The following CHDH variants were observed in gnomAD, a reference collection of about 807,000 sequenced individuals.
CHDH encodes choline dehydrogenase.
Under a neutral mutation model 56.9 loss-of-function variants are expected in CHDH, and 43 were observed. That is an observed-to-expected ratio of 0.76 (90% confidence interval 0.59 to 0.97). The LOEUF (loss-of-function observed/expected upper bound fraction) is 0.97, where lower values mean the gene tolerates loss of function less well. Ranked by LOEUF, CHDH falls within the 50% of genes least tolerant of loss-of-function variation. CHDH has a pLI of 0.00. For missense variants in CHDH, 816 were observed against 821.1 expected, an observed-to-expected ratio of 0.99 and a Z score of 0.08; for synonymous variants, 364 against 348.5, an observed-to-expected ratio of 1.04 and a Z score of -0.50.
rs2095633240 is a variant in CHDH at position 53,823,738 on chromosome 3, G to A, written c.271C>T (p.Pro91Ser). Residue 91 changes from proline to serine, a missense_variant, in exon 3 of 9, where the codon CCC becomes TCC. Physicochemically the swap from Pro to Ser is moderately conservative, Grantham distance 74. Transcript: ENST00000315251. Reference protein sequence around the residue: ...SKRLSWKIHMPAALVANLCDD... With the variant: ...SKRLSWKIHMSAALVANLCDD... ...CACAGGTTGGCCACCAGGGCCGCGG[G>A]CATGTGGATCTTCCACGAGAGCCGC... The A allele has an allele frequency of 6.4e-7, 1 of 1,555,036 alleles. No homozygotes were observed. The highest frequency in any genetic ancestry group is 8.7e-7 in the Non-Finnish European group (1 of 1,150,530).
At chr3:53,830,338 T>G (rs1698295290) in intron 2 of CHDH, among the ~76,000 whole-genome samples, 1 of 151,716 alleles carries the variant, frequency 6.6e-6, no homozygotes, top group Admixed American at 6.6e-5. Flanking sequence ...TCAACATGGA[T>G]GAATCCTAAA....
In CHDH at chr3:53,832,519, G is replaced by A. The variant is rs183527555; in HGVS notation, c.-60+8410C>T. 1.5e-4 allele frequency among the ~76,000 whole-genome samples: 23 copies of A among 151,888 alleles called. No homozygotes were observed. In the East Asian group the frequency reaches 1.5e-3, roughly 10 times the overall value. On this transcript the variant is annotated intron_variant, in intron 2 of 8. Coordinates refer to ENST00000315251, the MANE Select transcript of CHDH (RefSeq NM_018397.5). The stretch of plus-strand genomic sequence containing the variant: ...TGCACTCCAGCCTGGGCGACAGAGC[G>A]AGACTCCATCTCAAAAAAATAATAA...
chr3:53,817,867 C>T lies in CHDH; in HGVS notation c.1695G>A (p.Glu565=). The change falls in exon 9 of 9, where the codon GAG becomes GAA. Residue 565 remains glutamate (E), a synonymous_variant. Transcript: ENST00000315251. ...GCCCCTTGATAATGTCAGCTGCCTT[C>T]TCTGCGATCATGATTGTGGGGGCGT... ...NLNAPTIMIA[E]KAADIIKGQP... The T allele has an allele frequency of 6.2e-7, 1 of 1,614,218 alleles. No homozygotes were observed. The highest frequency in any genetic ancestry group is 8.5e-7 in the Non-Finnish European group (1 of 1,180,042).
chr3:53,825,695 G>A (rs1260628957), intron 2 of CHDH, among the ~76,000 whole-genome samples: 3 of 152,100 alleles, frequency 2.0e-5, no homozygotes, highest in South Asian at 2.1e-4. Context: ...TTTCCCAAAC[G>A]TAGTGCAAGA....
At chr3:53,823,239 G>T in intron 3 of CHDH, 67 bp downstream of exon 3, 3 of 1,384,816 alleles carry the variant, frequency 2.2e-6, no homozygotes, top group Non-Finnish European at 2.8e-6. Flanking sequence ...CTGGAGCCAC[G>T]GGCCAAGATG....
chr3:53,837,613 C>G (rs1273392927), intron 2 of CHDH, among the ~76,000 whole-genome samples: 3 of 152,208 alleles, frequency 2.0e-5, no homozygotes, highest in Admixed American at 6.5e-5. Context: ...TCCTGCCTCC[C>G]CTCTGCTGCC....
intron 2 of CHDH, among the ~76,000 whole-genome samples, chr3:53,837,127 A>AAGGC (rs1451172969): frequency 1.3e-5 from 2 of 152,094 alleles, no homozygotes; most frequent in Admixed American, 6.5e-5. Context: ...CCAGGAGTTC[A>AAGGC]AGGCTGCAGT....
Position 53,846,373 on chromosome 3 carries a change from C to T in CHDH, c.-421G>A, listed in dbSNP as rs1327483143. Reference sequence around the variant, plus strand: ...GCGCGCGCCGCGGCGGCCCGTGCTCCGCCAGCGCTCGGACACGGCCCATCC... The same window carrying T: ...GCGCGCGCCGCGGCGGCCCGTGCTCTGCCAGCGCTCGGACACGGCCCATCC... On this transcript the variant is annotated 5_prime_UTR_variant, in exon 1 of 9. Coordinates refer to ENST00000315251, the MANE Select transcript of CHDH (RefSeq NM_018397.5). 1 of 478,120 alleles carries T rather than the reference C, an allele frequency of 2.1e-6. No individual in the cohort carries two copies. Among genetic ancestry groups the T allele is most frequent in the Non-Finnish European group, 3.6e-6 (1 of 278,490 alleles). 29.6% of individuals were successfully genotyped at this position (478,120 alleles called of 1,614,324 possible).
chr3:53,818,024 G>A lies in CHDH; in HGVS notation c.1538C>T (p.Ser513Leu), dbSNP rs750179776. 16 of 1,614,106 alleles carry A rather than the reference G, an allele frequency of 9.9e-6. No individual in the cohort carries two copies. Among genetic ancestry groups the A allele is most frequent in the East Asian group, 2.2e-5 (1 of 44,902 alleles). The change falls in exon 9 of 9, where the codon TCG (serine) becomes TTG (leucine). Residue 513 changes from serine to leucine, a missense_variant. Physicochemically the swap from Ser to Leu is moderately radical, Grantham distance 145. Transcript: ENST00000315251. ...GGGCTGGCCCATCTTACAGGTGCAC[G>A]AGGGGTGGTAGGCGCTGTCGGCTTT... ...RAKADSAYHP[S>L]CTCKMGQPSD...
In CHDH at chr3:53,823,859, C is replaced by A; in HGVS notation, c.150G>T (p.Ser50=). The change falls in exon 3 of 9, where the codon TCG becomes TCT. Residue 50 remains serine, a synonymous_variant. Transcript: ENST00000315251. ...EYSYVVVGAG[S]AGCVLAGRLT... Reference sequence around the variant, plus strand: ...GCCTCCCAGCCAGCACGCAGCCCGCCGAGCCCGCGCCCACCACCACATAGC... The same window carrying A: ...GCCTCCCAGCCAGCACGCAGCCCGCAGAGCCCGCGCCCACCACCACATAGC... 1 of 1,590,802 alleles carries A rather than the reference C, an allele frequency of 6.3e-7. No individual in the cohort carries two copies. The highest frequency in any genetic ancestry group is 2.3e-5 in the East Asian group (1 of 44,016).
intron 5 of CHDH, 85 bp downstream of exon 5, chr3:53,821,562 C>T (rs1482005598): frequency 1.6e-6 from 2 of 1,226,472 alleles, no homozygotes; most frequent in Non-Finnish European, 2.3e-6. Context: ...CCACCACCTC[C>T]CCACTTCATG....
Position 53,816,131 on chromosome 3 carries a change from A to ACCCCCCCCCCC in CHDH, c.*1645_*1646insGGGGGGGGGGG, listed in dbSNP as rs202031062. 4 of 87,002 alleles carry ACCCCCCCCCCC rather than the reference A, an allele frequency of 4.6e-5. No homozygotes were observed. The highest frequency in any genetic ancestry group is 1.4e-4 in the African/African-American group (2 of 14,312). 5.4% of individuals were successfully genotyped at this position (87,002 alleles called of 1,614,324 possible). A position where few individuals can be genotyped will look rare whatever the true frequency, so the allele number is the denominator to read the frequency against. On this transcript the variant is annotated 3_prime_UTR_variant, in exon 9 of 9. Coordinates refer to ENST00000315251, the MANE Select transcript of CHDH (RefSeq NM_018397.5). Reference sequence around the variant, plus strand: ...CAGAAAACTAACTTGTGGCTGTCGGACGCCCCCCCCCCCCGCCCCAGTCTG... The same window carrying ACCCCCCCCCCC: ...CAGAAAACTAACTTGTGGCTGTCGGACCCCCCCCCCCCGCCCCCCCCCCCCGCCCCAGTCTG...
In CHDH at chr3:53,822,456, C is replaced by T. The variant is rs748934238; in HGVS notation, c.855+35G>A. ...TGGACCACCAGGGTCACTGCCCACC[C>T]CCTTCTTCCAGGACCCCAGCTGCAG... On this transcript the variant is annotated intron_variant, in intron 4 of 8. Coordinates refer to ENST00000315251, the MANE Select transcript of CHDH (RefSeq NM_018397.5). 4 of 1,582,666 alleles carry T rather than the reference C, an allele frequency of 2.5e-6. No homozygotes were observed. In the South Asian group the frequency reaches 3.4e-5, roughly 14 times the overall value.
Position 53,846,249 on chromosome 3 carries a change from G to A in CHDH, c.-297C>T. ...CAGTTCCGACCCGGTCGGCCCCGGA[G>A]CCGCGAGGCTAGCTGGGCTCCAGCG... On this transcript the variant is annotated 5_prime_UTR_variant, in exon 1 of 9. Transcript: ENST00000315251. The A allele has an allele frequency of 3.7e-6, 1 of 269,818 alleles. No homozygotes were observed. Among genetic ancestry groups the A allele is most frequent in the Non-Finnish European group, 6.9e-6 (1 of 144,846 alleles). The allele number at this position is 269,818 out of a possible 1,614,324, so 16.7% of individuals were successfully genotyped here.
rs2095618051 is a variant in CHDH, at chr3:53,817,604, C to T, written c.*173G>A. On this transcript the variant is annotated 3_prime_UTR_variant, in exon 9 of 9. Transcript: ENST00000315251. ...TGGGGAAAAGGAGCTGGATTCACTG[C>T]CCAGTACTTGTCTCATTTCCCAAGA... is the stretch of plus-strand genomic sequence containing the variant. The T allele has an allele frequency of 9.9e-6, 6 of 607,382 alleles. No homozygotes were observed. Among genetic ancestry groups the T allele is most frequent in the Non-Finnish European group, 1.4e-5 (5 of 349,698 alleles). 37.6% of individuals were successfully genotyped at this position (607,382 alleles called of 1,614,324 possible).
chr3:53,816,131 A>ACCCCCCCCCCCCCC lies in CHDH; in HGVS notation c.*1645_*1646insGGGGGGGGGGGGGG, dbSNP rs202031062. 2 of 86,966 alleles carry ACCCCCCCCCCCCCC rather than the reference A, an allele frequency of 2.3e-5. No homozygotes were observed. Among genetic ancestry groups the ACCCCCCCCCCCCCC allele is most frequent in the African/African-American group, 1.4e-4 (2 of 14,280 alleles). The allele number at this position is 86,966 out of a possible 1,614,324, so 5.4% of individuals were successfully genotyped here. A position where few individuals can be genotyped will look rare whatever the true frequency, so the allele number is the denominator to read the frequency against. Reference sequence around the variant, plus strand: ...CAGAAAACTAACTTGTGGCTGTCGGACGCCCCCCCCCCCCGCCCCAGTCTG... The same window carrying ACCCCCCCCCCCCCC: ...CAGAAAACTAACTTGTGGCTGTCGGACCCCCCCCCCCCCCCGCCCCCCCCCCCCGCCCCAGTCTG... On this transcript the variant is annotated 3_prime_UTR_variant, in exon 9 of 9. Coordinates refer to ENST00000315251, the MANE Select transcript of CHDH (RefSeq NM_018397.5).
At position 53,816,163 on chromosome 3, in the gene CHDH, G is replaced by A. The variant is rs1308808097; in HGVS notation, c.*1614C>T. ...CCCCCCCCGCCCCAGTCTGTAAGCCGCCCCAATCCTCTCAGATCCGAGCAA... is the reference window on the plus strand; with the variant it reads ...CCCCCCCCGCCCCAGTCTGTAAGCCACCCCAATCCTCTCAGATCCGAGCAA... On this transcript the variant is annotated 3_prime_UTR_variant, in exon 9 of 9. Coordinates refer to ENST00000315251, the MANE Select transcript of CHDH (RefSeq NM_018397.5). The A allele has an allele frequency of 2.0e-4, 13 of 63,970 alleles. 1 individual carries two copies. The highest frequency in any genetic ancestry group is 3.1e-4 in the Non-Finnish European group (10 of 32,532). The allele number at this position is 63,970 out of a possible 1,614,324, so 4.0% of individuals were successfully genotyped here. A position where few individuals can be genotyped will look rare whatever the true frequency, so the allele number is the denominator to read the frequency against.
Position 53,823,674 on chromosome 3 carries a change from T to C in CHDH, c.335A>G (p.Gln112Arg). 2 of 1,547,130 alleles carry C rather than the reference T, an allele frequency of 1.3e-6. No individual in the cohort carries two copies. The highest frequency in any genetic ancestry group is 1.7e-6 in the Non-Finnish European group (2 of 1,146,636). The change falls in exon 3 of 9, where the codon CAG (glutamine) becomes CGG (arginine). Residue 112 changes from glutamine (Q) to arginine (R), a missense_variant. Transcript: ENST00000315251. The part of the protein sequence containing the change: ...RYNWCYHTEV[Q>R]RGLDGRVLYW... ...CAGCACGCGGCCGTCCAGGCCCCGC[T>C]GCACCTCTGTGTGGTAGCACCAGTT...
At chr3:53,821,145 G>A (rs72982042) in intron 5 of CHDH, among the ~76,000 whole-genome samples, 2,329 of 152,368 alleles carry the variant, frequency 0.015, 72 homozygotes, top group African/African-American at 0.053. Context: ...TAGCCCTCCC[G>A]GAGTGGGGTT....
Sources: allele counts gnomAD v4.1 joint callset (sites outside exome capture counted in the v4.1 genomes callset), GRCh38; gene constraint gnomAD v4.1.1; transcripts MANE v1.5; gene names NCBI Gene and HGNC (gene_info 2026-07-23, HGNC 2026-07-21).